SEPHS1: variants seen among roughly 807,000 people sequenced by gnomAD.
The protein encoded by SEPHS1 is zincore component SEPHS1.
Under a neutral mutation model 39.2 loss-of-function variants are expected in SEPHS1, and 7 were observed. The observed-to-expected ratio is 0.18, with a 90% CI of 0.10 to 0.34. The LOEUF is 0.34. Ranked by LOEUF, SEPHS1 falls within the 10% of genes least tolerant of loss-of-function variation. The pLI, the probability that SEPHS1 is intolerant of heterozygous loss-of-function variation, is 1.00. For missense variants in SEPHS1, 253 were observed against 514.5 expected, an observed-to-expected ratio of 0.49 and a Z score of 4.92; for synonymous variants, 190 against 195.5, an observed-to-expected ratio of 0.97 and a Z score of 0.23.
chr10:13,323,599 C>A (rs1006334868), intron 7 of SEPHS1, among the ~76,000 whole-genome samples: 2 of 152,102 alleles, frequency 1.3e-5, no homozygotes, highest in South Asian at 2.1e-4. Flanking sequence ...ATGATCCGCC[C>A]GCCCTGGCCT....
chr10:13,336,383 C>A lies in SEPHS1; in HGVS notation c.298-33G>T, dbSNP rs780290435. 2.8e-5 allele frequency: 43 copies of A among 1,516,756 alleles called. 3 individuals carry two copies. In the South Asian group the frequency reaches 4.7e-4, roughly 16 times the overall value. The allele number at this position is 1,516,756 out of a possible 1,614,324, so 94.0% of individuals were successfully genotyped here. Reference sequence around the variant, plus strand: ...GAGAGGGAAACATGAGAAAGGACGACCGGGGACTTTCCATCTGCAGAAACT... The same window carrying A: ...GAGAGGGAAACATGAGAAAGGACGAACGGGGACTTTCCATCTGCAGAAACT... On this transcript the variant is annotated intron_variant, in intron 3 of 8. Coordinates refer to ENST00000327347, the MANE Select transcript of SEPHS1 (RefSeq NM_012247.5).
chr10:13,321,792 C>T (rs1045837938), intron 8 of SEPHS1, among the ~76,000 whole-genome samples: 3 of 152,208 alleles, frequency 2.0e-5, no homozygotes, highest in Non-Finnish European at 4.4e-5. Context: ...TGGGTGGCGG[C>T]CTCGGCGGCC....
At chr10:13,339,098 T>C (rs1232542357) in intron 2 of SEPHS1, among the ~76,000 whole-genome samples, 3 of 152,232 alleles carry the variant, frequency 2.0e-5, no homozygotes, top group Admixed American at 2.0e-4. Flanking sequence ...ACTGTATGAC[T>C]TTTATTATTT....
intron 5 of SEPHS1, among the ~76,000 whole-genome samples, chr10:13,332,545 A>T (rs114565870): frequency 3.5e-4 from 53 of 152,318 alleles, no homozygotes; most frequent in African/African-American, 1.2e-3. Flanking sequence ...TACTTCAACT[A>T]AAAAACCTAA....
intron 1 of SEPHS1, among the ~76,000 whole-genome samples, chr10:13,345,674 G>A (rs1221130061): frequency 6.6e-6 from 1 of 152,106 alleles, no homozygotes; most frequent in Non-Finnish European, 1.5e-5. Context: ...CCTGAAGTCA[G>A]GACACAAGCC....
At chr10:13,342,198 C>T (rs951738720) in intron 2 of SEPHS1, among the ~76,000 whole-genome samples, 1 of 149,774 alleles carries the variant, frequency 6.7e-6, no homozygotes, top group African/African-American at 2.5e-5. Context: ...ACCTGGGAGG[C>T]GGAGCTTGCA....
intron 7 of SEPHS1, among the ~76,000 whole-genome samples, chr10:13,325,977 T>TG (rs1833275475): frequency 1.9e-5 from 2 of 105,786 alleles, no homozygotes; most frequent in Non-Finnish European, 2.2e-5. Context: ...ATAATAATAA[T>TG]AATAAATGAA....
Position 13,322,980 on chromosome 10 carries a change from G to A in SEPHS1, c.819C>T (p.Gly273=), listed in dbSNP as rs62641686. Residue 273 remains glycine (G), a synonymous_variant, in exon 8 of 9, where the codon GGC becomes GGT. Transcript: ENST00000327347. Reference sequence around the variant, plus strand: ...GCTGCTTGGCCAGGTTCTGCGCATGGCCCAAAATCCCGAAGCCCGTGATGT... The same window carrying A: ...GCTGCTTGGCCAGGTTCTGCGCATGACCCAAAATCCCGAAGCCCGTGATGT... The part of the protein sequence containing the change: ...ATDITGFGIL[G]HAQNLAKQQR... The A allele has an allele frequency of 1.1e-3, 1,801 of 1,614,048 alleles. 13 individuals carry two copies. In the African/African-American group the frequency reaches 0.021, roughly 19 times the overall value.
intron 7 of SEPHS1, among the ~76,000 whole-genome samples, chr10:13,325,452 G>A (rs116213132): frequency 6.6e-6 from 1 of 152,114 alleles, no homozygotes; most frequent in Non-Finnish European, 1.5e-5. Context: ...GAATTCTCAT[G>A]AGATCTGATG....
chr10:13,338,655 C>A, intron 3 of SEPHS1, 50 bp downstream of exon 3: 1 of 1,459,736 alleles, frequency 6.9e-7, no homozygotes, highest in South Asian at 1.1e-5. Flanking sequence ...ACAACCCAAA[C>A]CAAACAAATA....
At chr10:13,340,112 G>A (rs954273416) in intron 2 of SEPHS1, among the ~76,000 whole-genome samples, 31 of 152,158 alleles carry the variant, frequency 2.0e-4, no homozygotes, top group Non-Finnish European at 3.8e-4. Context: ...TTCTGCGTAA[G>A]TGAAAGGGCC....
chr10:13,319,695 G>A (rs1009888901), intron 8 of SEPHS1, among the ~76,000 whole-genome samples: 7 of 152,094 alleles, frequency 4.6e-5, no homozygotes, highest in Non-Finnish European at 1.0e-4. Context: ...GTCCAGGCTG[G>A]TCTAAAACTC....
intron 1 of SEPHS1, among the ~76,000 whole-genome samples, chr10:13,347,545 G>C (rs1261209588): frequency 6.8e-6 from 1 of 146,916 alleles, no homozygotes. Flanking sequence ...CCAGGAGCCG[G>C]GGAGGACGCC....
At chr10:13,343,336 C>T (rs1204433014) in intron 2 of SEPHS1, among the ~76,000 whole-genome samples, 1 of 152,090 alleles carries the variant, frequency 6.6e-6, no homozygotes, top group East Asian at 1.9e-4. Flanking sequence ...ATCAGCTGGA[C>T]GGCAGGAACT....
intron 8 of SEPHS1, among the ~76,000 whole-genome samples, chr10:13,320,339 A>G (rs915581055): frequency 1.5e-4 from 23 of 151,340 alleles, no homozygotes; most frequent in East Asian, 9.9e-4. Flanking sequence ...CCGCCACCAC[A>G]CCCGGCTAAT....
intron 4 of SEPHS1, among the ~76,000 whole-genome samples, chr10:13,334,392 T>G (rs959869917): frequency 6.6e-6 from 1 of 151,606 alleles, no homozygotes; most frequent in Non-Finnish European, 1.5e-5. Flanking sequence ...AATACAAAAA[T>G]TAGCCGGGTG....
At chr10:13,347,503 C>A (rs1218930004) in intron 1 of SEPHS1, 6 of 146,484 alleles carry the variant, frequency 4.1e-5, no homozygotes, top group African/African-American at 7.4e-5. Context: ...CGGCGGGAGG[C>A]GGCGGGAGCC....
At chr10:13,341,102 A>G (rs2130691031) in intron 2 of SEPHS1, among the ~76,000 whole-genome samples, 1 of 152,326 alleles carries the variant, frequency 6.6e-6, no homozygotes. Flanking sequence ...AAAATTACGC[A>G]TGTGGCTTGC....
chr10:13,319,462 C>A (rs778660780), intron 8 of SEPHS1, 106 bp from the exon 9 acceptor site: 79 of 1,136,386 alleles, frequency 7.0e-5, no homozygotes, highest in Non-Finnish European at 2.7e-5. Context: ...TTGCTGCCAC[C>A]TATATGCAAG....
Sources: gnomAD v4.1 joint callset for allele counts (sites outside exome capture counted in the v4.1 genomes callset) on GRCh38, gnomAD v4.1.1 for gene constraint, MANE v1.5 for transcripts, NCBI Gene and HGNC (gene_info 2026-07-23, HGNC 2026-07-21) for gene names.